ZNF319: variants seen among roughly 807,000 people sequenced by gnomAD.
The protein encoded by ZNF319 is zinc finger protein 319.
ZNF319 carries 15 observed loss-of-function variants against 46.0 expected under a neutral mutation model. The observed-to-expected ratio is 0.33, with a 90% CI of 0.22 to 0.50. ZNF319 has a LOEUF of 0.50. Ranked by LOEUF, ZNF319 falls within the 20% of genes least tolerant of loss-of-function variation. The probability of loss-of-function intolerance (pLI) is 0.98; values close to 1 mark genes in which losing one functional copy is unlikely to be tolerated. For synonymous variants in ZNF319, 368 were observed against 364.0 expected, an observed-to-expected ratio of 1.01 and a Z score of -0.13; for missense variants, 635 against 807.0, an observed-to-expected ratio of 0.79 and a Z score of 2.58.
Position 57,997,687 on chromosome 16 carries a change from G to A in ZNF319, c.579C>T (p.Thr193=). ...LPAAPAPSTV[T]PAEQADKPYS... ...AGGGCTTGTCGGCCTGTTCAGCAGG[G>A]GTGACAGTGGAAGGCGCGGGTGCTG... Residue 193 remains threonine, a synonymous_variant, in exon 2 of 2, where the codon ACC becomes ACT. Transcript: ENST00000299237. The A allele has an allele frequency of 6.2e-7, 1 of 1,613,870 alleles. No homozygotes were observed. Among genetic ancestry groups the A allele is most frequent in the South Asian group, 1.1e-5 (1 of 91,090 alleles).
chr16:57,996,793 G>A lies in ZNF319; in HGVS notation c.1473C>T (p.Cys491=), dbSNP rs770888322. The A allele has an allele frequency of 1.1e-5, 18 of 1,610,570 alleles. No individual in the cohort carries two copies. Among genetic ancestry groups the A allele is most frequent in the East Asian group, 4.5e-5 (2 of 44,838 alleles). The stretch of plus-strand genomic sequence containing the variant: ...CTGACGCGTACTTGAAGCGTTTCTC[G>A]CAGTCTGGGCACTTGAGTGGCTTCT... ...AREKPLKCPD[C]EKRFKYASDL... Residue 491 remains cysteine, a synonymous_variant, in exon 2 of 2, where the codon TGC becomes TGT. Coordinates refer to ENST00000299237, the MANE Select transcript of ZNF319 (RefSeq NM_020807.3).
rs1168720072 is a variant in ZNF319, at chr16:57,997,311, C to T, written c.955G>A (p.Glu319Lys). ...GGCCGCTTGAAGGCCTTCTGGCACT[C>T]GCCGCAGCGGAAGGGCCGCTCCCCA... The part of the protein sequence containing the change: ...PSGERPFRCG[E>K]CQKAFKRPSD... Residue 319 changes from glutamate to lysine, a missense_variant, in exon 2 of 2, where the codon GAG (glutamate) becomes AAG (lysine). Coordinates refer to ENST00000299237, the MANE Select transcript of ZNF319 (RefSeq NM_020807.3). 4 of 1,609,894 alleles carry T rather than the reference C, an allele frequency of 2.5e-6. No homozygotes were observed. In the East Asian group the frequency reaches 6.7e-5, roughly 27 times the overall value.
chr16:57,998,599 G>A (rs1007887319), intron 1 of ZNF319, 77 bp from the exon 2 acceptor site: 3 of 255,978 alleles, frequency 1.2e-5, no homozygotes, highest in Admixed American at 4.9e-5. Flanking sequence ...TGTCCTGCCC[G>A]CACTCACCAC....
Position 57,996,325 on chromosome 16 carries a change from G to A in ZNF319, c.*192C>T, listed in dbSNP as rs567891740. ...AGCAATCTGGCCGCCCGCACTGCCC[G>A]CTGGTGCCAGGAGTACGAGCGGCAC... On this transcript the variant is annotated 3_prime_UTR_variant, in exon 2 of 2. Coordinates refer to ENST00000299237, the MANE Select transcript of ZNF319 (RefSeq NM_020807.3). The A allele has an allele frequency of 5.7e-5, 68 of 1,194,674 alleles. No homozygotes were observed. In the South Asian group the frequency reaches 1.1e-3, roughly 20 times the overall value. 74.0% of individuals were successfully genotyped at this position (1,194,674 alleles called of 1,614,324 possible). A position where few individuals can be genotyped will look rare whatever the true frequency, so the allele number is the denominator to read the frequency against.
chr16:57,996,997 C>A lies in ZNF319; in HGVS notation c.1269G>T (p.Ala423=). 6.3e-7 allele frequency: 1 copy of A among 1,595,352 alleles called. No individual in the cohort carries two copies. The highest frequency in any genetic ancestry group is 8.5e-7 in the Non-Finnish European group (1 of 1,174,650). ...CAGGGCACTTGAAGGGCCGCTCGGC[C>A]GCGCCGGGCAGGCACTTGTGCCGCA... is the stretch of plus-strand genomic sequence containing the variant. ...ELLRHKCLPG[A]AERPFKCPVC... Residue 423 remains alanine, a synonymous_variant, in exon 2 of 2, where the codon GCG becomes GCT. Transcript: ENST00000299237.
In ZNF319 at chr16:57,997,984, G is replaced by T; in HGVS notation, c.282C>A (p.His94Gln). 1.9e-6 allele frequency: 3 copies of T among 1,613,420 alleles called. No homozygotes were observed. Among genetic ancestry groups the T allele is most frequent in the Non-Finnish European group, 2.5e-6 (3 of 1,180,046 alleles). ...DLAHLSSPHE[H>Q]QCLAGHDRSF... ...AGCGGTCATGGCCCGCCAGACACTG[G>T]TGCTCATGCGGACTGGACAGGTGCG... The change falls in exon 2 of 2, where the codon CAC becomes CAA. Residue 94 changes from histidine to glutamine, a missense_variant. His to Gln is a conservative substitution (Grantham distance 24). Transcript: ENST00000299237.
chr16:57,998,107 G>T lies in ZNF319; in HGVS notation c.159C>A (p.Leu53=). 6.2e-7 allele frequency: 1 copy of T among 1,607,624 alleles called. No homozygotes were observed. ...NPLGCAVYGI[L]LQPDPGLQPP... is the part of the protein sequence containing the mutation. ...GCTGCAGGCCGGGGTCTGGCTGCAG[G>T]AGGATGCCATAGACGGCACAGCCCA... The change falls in exon 2 of 2, where the codon CTC becomes CTA. Residue 53 remains leucine, a synonymous_variant. Transcript: ENST00000299237.
At position 57,999,239 on chromosome 16, in the gene ZNF319, TCACACACACACA is replaced by T. The variant is rs60708700; in HGVS notation, c.-258+242_-258+253del. ...CCTCACTCTGGTTCTCTCCCAGAACTCACACACACACACACACACACACACACACACACAAAG... is the reference window on the plus strand; with the variant it reads ...CCTCACTCTGGTTCTCTCCCAGAACTCACACACACACACACACACACAAAG... On this transcript the variant is annotated intron_variant, in intron 1 of 1. Transcript: ENST00000299237. 4.1e-5 allele frequency among the ~76,000 whole-genome samples: 6 copies of T among 145,762 alleles called. No individual in the cohort carries two copies. The East Asian group carries it at 6.1e-4, about 15-fold the overall frequency.
rs1962981556 is a variant in ZNF319 at position 57,994,789 on chromosome 16, A to G, written c.*1728T>C. 1 of 152,236 alleles carries G rather than the reference A, an allele frequency of 6.6e-6. No individual in the cohort carries two copies. The highest frequency in any genetic ancestry group is 2.4e-5 in the African/African-American group (1 of 41,466). 9.4% of individuals were successfully genotyped at this position (152,236 alleles called of 1,614,324 possible). ...TCTTTTTAAAAATCCAAATCCTCAC[A>G]TTTTTATATAAGATCCAAAATGACA... On this transcript the variant is annotated 3_prime_UTR_variant, in exon 2 of 2. Coordinates refer to ENST00000299237, the MANE Select transcript of ZNF319 (RefSeq NM_020807.3).
At chr16:57,999,399 A>C (rs1963103357) in intron 1 of ZNF319, 94 bp downstream of exon 1, 1 of 152,264 alleles carries the variant, frequency 6.6e-6, no homozygotes, top group Admixed American at 6.5e-5. Context: ...TCACCTCTCT[A>C]GAGACAACTC....
Position 57,997,039 on chromosome 16 carries a change from G to T in ZNF319, c.1227C>A (p.Asp409Glu), listed in dbSNP as rs1186354737. Residue 409 changes from aspartate (D) to glutamate (E), a missense_variant, in exon 2 of 2, where the codon GAC (aspartate) becomes GAA (glutamate). By Grantham distance (45) the Asp-to-Glu change is conservative. Coordinates refer to ENST00000299237, the MANE Select transcript of ZNF319 (RefSeq NM_020807.3). ...TGTGCCGCAGCAGCTCGGCAGATTG[G>T]TCAAAGCCTTTCTGGCACACGGGGC... ...FKCPVCQKGF[D>E]QSAELLRHKC... 1 of 1,612,928 alleles carries T rather than the reference G, an allele frequency of 6.2e-7. No individual in the cohort carries two copies. The highest frequency in any genetic ancestry group is 8.5e-7 in the Non-Finnish European group (1 of 1,179,958).
At position 57,997,510 on chromosome 16, in the gene ZNF319, G is replaced by A. The variant is rs1279417576; in HGVS notation, c.756C>T (p.His252=). 3 of 1,613,872 alleles carry A rather than the reference G, an allele frequency of 1.9e-6. No homozygotes were observed. The highest frequency in any genetic ancestry group is 4.5e-5 in the East Asian group (2 of 44,880). The change falls in exon 2 of 2, where the codon CAC becomes CAT. Residue 252 remains histidine, a synonymous_variant. Transcript: ENST00000299237. ...CGCACTTGTAGGGCCGCTCGGAGCT[G>A]TGCGTGCGCTTGTGGTGCACCAGGT... ...SSHLVHHKRT[H]SSERPYKCAV...
chr16:57,997,533 G>A lies in ZNF319; in HGVS notation c.733C>T (p.Leu245=), dbSNP rs1567412654. The change falls in exon 2 of 2, where the codon CTG becomes TTG. Residue 245 remains leucine, a synonymous_variant. Coordinates refer to ENST00000299237, the MANE Select transcript of ZNF319 (RefSeq NM_020807.3). Reference sequence around the variant, plus strand: ...CTGTGCGTGCGCTTGTGGTGCACCAGGTGCGACGACTGGCTGAAGCTTTTG... The same window carrying A: ...CTGTGCGTGCGCTTGTGGTGCACCAAGTGCGACGACTGGCTGAAGCTTTTG... ...CDKSFSQSSH[L]VHHKRTHSSE... is the part of the protein sequence containing the mutation. 2.5e-6 allele frequency: 4 copies of A among 1,613,656 alleles called. No homozygotes were observed. Among genetic ancestry groups the A allele is most frequent in the East Asian group, 2.2e-5 (1 of 44,860 alleles).
chr16:57,997,144 G>A lies in ZNF319; in HGVS notation c.1122C>T (p.Gly374=), dbSNP rs771353407. 3.1e-6 allele frequency: 5 copies of A among 1,613,966 alleles called. No homozygotes were observed. In the Admixed American group the frequency reaches 5.0e-5, roughly 16 times the overall value. The stretch of plus-strand genomic sequence containing the variant: ...GCTGCCCAAAGCCCTTCTCACATAG[G>A]CCGCATTTGAAGGGCTCCTCGGTCT... The part of the protein sequence containing the change: ...THKTEEPFKC[G]LCEKGFGQPS... Residue 374 remains glycine, a synonymous_variant, in exon 2 of 2, where the codon GGC becomes GGT. Transcript: ENST00000299237.
Position 58,000,484 on chromosome 16 carries a change from CGCGG to C in ZNF319, c.-1253_-1250del, listed in dbSNP as rs1963148909. 6.7e-6 allele frequency: 1 copy of C among 150,030 alleles called. No individual in the cohort carries two copies. The highest frequency in any genetic ancestry group is 1.5e-5 in the Non-Finnish European group (1 of 67,156). 9.3% of individuals were successfully genotyped at this position (150,030 alleles called of 1,614,324 possible). ...GCCGCCCCTTTATTCCGGCTCCATC[CGCGG>C]CGGCGCGGCCTACGCGCGCTGCCAA... On this transcript the variant is annotated 5_prime_UTR_variant, in exon 1 of 2. Coordinates refer to ENST00000299237, the MANE Select transcript of ZNF319 (RefSeq NM_020807.3). The surrounding 1 kb of genome is among the most constrained non-coding windows in gnomAD (Gnocchi z 4.5).
chr16:57,997,747 C>G lies in ZNF319; in HGVS notation c.519G>C (p.Ala173=), dbSNP rs548145658. The G allele has an allele frequency of 6.2e-6, 10 of 1,613,416 alleles. No individual in the cohort carries two copies. The East Asian group carries it at 2.2e-4, about 36-fold the overall frequency. ...CEKTYKPAEA[A]EPATTAAPSL... is the part of the protein sequence containing the mutation. ...ACGGGGCGGCTGTGGTGGCTGGCTC[C>G]GCTGCCTCAGCTGGCTTGTAGGTCT... Residue 173 remains alanine (A), a synonymous_variant, in exon 2 of 2, where the codon GCG becomes GCC. Coordinates refer to ENST00000299237, the MANE Select transcript of ZNF319 (RefSeq NM_020807.3).
chr16:57,998,977 T>C (rs140485259), intron 1 of ZNF319, among the ~76,000 whole-genome samples: 214 of 152,272 alleles, frequency 1.4e-3, no homozygotes, highest in African/African-American at 4.8e-3. Flanking sequence ...GAGAGCCCAG[T>C]GGCAAATGGC....
Position 57,996,664 on chromosome 16 carries a change from G to A in ZNF319, c.1602C>T (p.Gly534=). 6.2e-7 allele frequency: 1 copy of A among 1,613,026 alleles called. No homozygotes were observed. Among genetic ancestry groups the A allele is most frequent in the Non-Finnish European group, 8.5e-7 (1 of 1,179,982 alleles). ...KQREHLNKHQ[G]VHAREQQFKC... is the part of the protein sequence containing the mutation. Reference sequence around the variant, plus strand: ...TGAACTGCTGCTCGCGGGCGTGCACGCCCTGGTGCTTGTTGAGATGCTCCC... The same window carrying A: ...TGAACTGCTGCTCGCGGGCGTGCACACCCTGGTGCTTGTTGAGATGCTCCC... Residue 534 remains glycine (G), a synonymous_variant, in exon 2 of 2, where the codon GGC becomes GGT. Coordinates refer to ENST00000299237, the MANE Select transcript of ZNF319 (RefSeq NM_020807.3).
In ZNF319 at chr16:57,997,344, T is replaced by C. The variant is rs1367334225; in HGVS notation, c.922A>G (p.Thr308Ala). The change falls in exon 2 of 2, where the codon ACG becomes GCG. Residue 308 changes from threonine (T) to alanine (A), a missense_variant. Thr to Ala is a moderately conservative substitution (Grantham distance 58, BLOSUM62 0). Around this residue, in one of 3 missense-constraint regions of ZNF319, gnomAD observed 138 missense variants for 248.0 expected, o/e 0.56. Coordinates refer to ENST00000299237, the MANE Select transcript of ZNF319 (RefSeq NM_020807.3). ...ESSELLQHPC[T>A]PSGERPFRCG... ...CGGAAGGGCCGCTCCCCACTTGGCG[T>C]GCACGGGTGCTGCAGCAGCTCCGAC... 1 of 1,611,830 alleles carries C rather than the reference T, an allele frequency of 6.2e-7. No individual in the cohort carries two copies. Among genetic ancestry groups the C allele is most frequent in the African/African-American group, 1.3e-5 (1 of 74,936 alleles).
Sources: gnomAD v4.1 joint callset for allele counts (sites outside exome capture counted in the v4.1 genomes callset) on GRCh38, gnomAD v4.1.1 for gene constraint, gnomAD v4.1.1 regional missense constraint, Gnocchi (gnomAD v3.1) non-coding constraint, MANE v1.5 for transcripts, NCBI Gene and HGNC (gene_info 2026-07-23, HGNC 2026-07-21) for gene names.